The following POM121 variants were observed in gnomAD, a reference collection of about 807,000 sequenced individuals.
POM121 encodes nuclear envelope pore membrane protein POM 121.
POM121 carries 32 observed loss-of-function variants against 81.3 expected under a neutral mutation model. The observed-to-expected ratio is 0.39, with a 90% confidence interval of 0.30 to 0.53. The LOEUF (loss-of-function observed/expected upper bound fraction) is 0.53, where lower values mean the gene tolerates loss of function less well. Among genes scored for constraint, POM121 ranks in the 20% least tolerant of loss-of-function variants. POM121 has a pLI of 0.66. For missense variants in POM121, 1,138 were observed against 1,614.6 expected (o/e 0.70, Z 5.06); for synonymous variants, 514 against 694.2 (o/e 0.74, Z 4.08).
intron 3 of POM121, among the ~76,000 whole-genome samples, chr7:72,903,144 G>T (rs1792874782): frequency 6.6e-6 from 1 of 151,798 alleles, no homozygotes; most frequent in Non-Finnish European, 1.5e-5. Flanking sequence ...AAATTAAAAA[G>T]AAAAAAAGAG....
chr7:72,891,049 G>A (rs1242385815), exon 3 of POM121: 6 of 911,652 alleles, frequency 6.6e-6, no homozygotes, highest in Non-Finnish European at 8.8e-6. Context: ...TCATCATTAA[G>A]TTGGAGCAGG....
downstream of POM121, chr7:72,948,631 C>T (rs1797871520): frequency 1.2e-6 from 2 of 1,603,182 alleles, no homozygotes; most frequent in Non-Finnish European, 1.7e-6. Context: ...GTGCCAGTAC[C>T]ATCCTGCGCC....
chr7:72,922,366 C>T (rs1794891262), upstream of POM121, among the ~76,000 whole-genome samples: 1 of 152,024 alleles, frequency 6.6e-6, no homozygotes, highest in African/African-American at 2.4e-5. Context: ...AGATGCATAT[C>T]TTGTCTTTTC....
chr7:72,910,408 A>G (rs570855714), intron 3 of POM121, among the ~76,000 whole-genome samples: 32 of 152,344 alleles, frequency 2.1e-4, no homozygotes, highest in African/African-American at 7.5e-4. Flanking sequence ...AGAGAGGAAT[A>G]TTCTGCGGTG....
At chr7:72,881,886 C>T (rs1790193286) in intron 1 of POM121, among the ~76,000 whole-genome samples, 3 of 152,188 alleles carry the variant, frequency 2.0e-5, no homozygotes, top group African/African-American at 4.8e-5. Flanking sequence ...CTGCCTCAGC[C>T]TCCCAAAGTG....
upstream of POM121, among the ~76,000 whole-genome samples, chr7:72,922,556 GT>G (rs797044356): frequency 1.1e-3 from 151 of 139,926 alleles, no homozygotes; most frequent in Admixed American, 1.1e-3. Context: ...AAATTTTTGT[GT>G]TTTTTTTTTT....
chr7:72,929,776 T>C (rs1390236425), intron 4 of POM121, among the ~76,000 whole-genome samples, 164 bp from the exon 5 acceptor site: 61 of 152,246 alleles, frequency 4.0e-4, no homozygotes, highest in African/African-American at 1.4e-3. Flanking sequence ...ATTTGGCTTT[T>C]CTTACTGACT....
downstream of POM121, chr7:72,950,154 C>T (rs1336749659): frequency 1.4e-5 from 23 of 1,606,234 alleles, no homozygotes; most frequent in East Asian, 5.1e-4. Flanking sequence ...TCAAGGGGTC[C>T]AGGAGAAAAT....
chr7:72,938,576 C>T lies in POM121; in HGVS notation c.1276-14C>T. 2 of 1,612,864 alleles carry T rather than the reference C, an allele frequency of 1.2e-6. No homozygotes were observed. The highest frequency in any genetic ancestry group is 1.7e-6 in the Non-Finnish European group (2 of 1,178,940). ...GTTATCAGCAGGCTCAGTCATGTCC[C>T]TCTTGATTTTTAGCTCTGGAAGAGA... is the stretch of plus-strand genomic sequence containing the variant. On this transcript the variant is annotated splice_polypyrimidine_tract_variant and intron_variant, in intron 5 of 12. Transcript: ENST00000434423.
chr7:72,906,881 G>A (rs1358271637), intron 3 of POM121, among the ~76,000 whole-genome samples: 2 of 150,692 alleles, frequency 1.3e-5, no homozygotes, highest in Non-Finnish European at 1.5e-5. Context: ...CCCCCGCCTC[G>A]GCCCCCTAAT....
intron 3 of POM121, among the ~76,000 whole-genome samples, chr7:72,899,273 C>T (rs1395625928): frequency 1.3e-5 from 2 of 152,010 alleles, no homozygotes; most frequent in Non-Finnish European, 2.9e-5. Flanking sequence ...GCGTGAGCCA[C>T]AGTGCCCGGC....
At chr7:72,903,823 C>G (rs1408589676) in intron 3 of POM121, among the ~76,000 whole-genome samples, 5 of 152,236 alleles carry the variant, frequency 3.3e-5, no homozygotes, top group African/African-American at 4.8e-5. Context: ...GCCCTGTCAC[C>G]TAGGCTTGAG....
At chr7:72,905,945 G>C (rs1460713742) in intron 3 of POM121, among the ~76,000 whole-genome samples, 2 of 152,040 alleles carry the variant, frequency 1.3e-5, no homozygotes, top group East Asian at 3.9e-4. Flanking sequence ...TGTTGAGAAC[G>C]TTGCATTTTA....
intron 3 of POM121, among the ~76,000 whole-genome samples, chr7:72,901,557 T>C (rs570021029): frequency 6.6e-6 from 1 of 151,972 alleles, no homozygotes; most frequent in Admixed American, 6.6e-5. Flanking sequence ...GTTTCACCAT[T>C]TTGGCTAGGC....
At chr7:72,890,478 T>G in intron 1 of POM121, 2 of 1,049,716 alleles carry the variant, frequency 1.9e-6, no homozygotes, top group Non-Finnish European at 2.7e-6. Flanking sequence ...CCAAAGGATA[T>G]GTGTTTCCAA....
At chr7:72,933,091 C>G (rs1269432598) in intron 5 of POM121, among the ~76,000 whole-genome samples, 4 of 149,996 alleles carry the variant, frequency 2.7e-5, no homozygotes, top group Non-Finnish European at 5.9e-5. Context: ...GTGGCTTACA[C>G]CTGTAATCCC....
At chr7:72,914,948 A>G (rs1489667819) in intron 4 of POM121, among the ~76,000 whole-genome samples, 1 of 152,064 alleles carries the variant, frequency 6.6e-6, no homozygotes, top group Non-Finnish European at 1.5e-5. Flanking sequence ...GTGAGATGCA[A>G]CTGACTTTCT....
At chr7:72,905,801 A>C (rs1358291892) in intron 3 of POM121, among the ~76,000 whole-genome samples, 7 of 152,234 alleles carry the variant, frequency 4.6e-5, no homozygotes, top group Non-Finnish European at 2.9e-5. Flanking sequence ...AGTCTCCTGT[A>C]AATGTCAGTT....
intron 1 of POM121, among the ~76,000 whole-genome samples, chr7:72,884,024 G>C (rs557686449): frequency 3.8e-4 from 58 of 151,994 alleles, no homozygotes; most frequent in Non-Finnish European, 6.6e-4. Context: ...TCCCACTTCA[G>C]CCTCCCAAGT....
Sources: allele counts gnomAD v4.1 joint callset (sites outside exome capture counted in the v4.1 genomes callset), GRCh38; gene constraint gnomAD v4.1.1; transcripts MANE v1.5; gene names NCBI Gene and HGNC (gene_info 2026-07-23, HGNC 2026-07-21).